HDAC9: variants seen among roughly 807,000 people sequenced by gnomAD.
The protein encoded by HDAC9 is MEF-2 interacting transcription repressor (MITR) protein.
In HDAC9, 41 loss-of-function variants were observed where a neutral mutation model predicts 139.4. That is an observed-to-expected ratio of 0.29 (90% CI 0.23 to 0.38). HDAC9 has a LOEUF of 0.38. HDAC9 is among the 10% of genes least tolerant of loss of function. HDAC9 has a pLI of 1.00. For missense variants in HDAC9, 1,147 were observed against 1,297.0 expected, an observed-to-expected ratio of 0.88 and a Z score of 1.78; for synonymous variants, 517 against 476.2, an observed-to-expected ratio of 1.09 and a Z score of -1.12.
chr7:18,258,040 G>T (rs1795398675), intron 2 of HDAC9, among the ~76,000 whole-genome samples: 1 of 152,138 alleles, frequency 6.6e-6, no homozygotes, highest in Non-Finnish European at 1.5e-5. Context: ...ACATATTAAA[G>T]TATCTAAGTT....
At chr7:18,406,810 C>A (rs1454656975) in intron 1 of HDAC9, among the ~76,000 whole-genome samples, 2 of 151,910 alleles carry the variant, frequency 1.3e-5, no homozygotes, top group African/African-American at 4.8e-5. Flanking sequence ...GTTCTTTCAT[C>A]TTTGTTTTTT....
intron 2 of HDAC9, among the ~76,000 whole-genome samples, chr7:18,194,377 A>G (rs1321711960): frequency 6.6e-6 from 1 of 152,142 alleles, no homozygotes; most frequent in Non-Finnish European, 1.5e-5. Flanking sequence ...TATTGAAATT[A>G]ATCATTTTCA....
At chr7:18,933,571 A>C (rs1358025916) in intron 22 of HDAC9, among the ~76,000 whole-genome samples, 6 of 152,104 alleles carry the variant, frequency 3.9e-5, no homozygotes, top group Admixed American at 1.3e-4. Context: ...CCAAGCTTCA[A>C]ATATTTTTCA....
At chr7:18,622,113 G>T (rs895189253) in intron 6 of HDAC9, among the ~76,000 whole-genome samples, 4 of 152,166 alleles carry the variant, frequency 2.6e-5, no homozygotes, top group Non-Finnish European at 4.4e-5. Context: ...TCCCTGAGAG[G>T]AGGAGATAGC....
chr7:18,203,312 G>A (rs1413857999), intron 2 of HDAC9, among the ~76,000 whole-genome samples: 1 of 152,136 alleles, frequency 6.6e-6, no homozygotes, highest in Non-Finnish European at 1.5e-5. Flanking sequence ...CAGCCAAACC[G>A]TGTATGTTGT....
At position 18,590,395 on chromosome 7, in the gene HDAC9, A is replaced by T. The variant is rs1047219118; in HGVS notation, c.324A>T (p.Lys108Asn). ...AAGAACTCCTAGAAAAGGAGCAGAA[A>T]CTGGAGCAGCAGAGGCAAGAACAGG... ...QQQELLEKEQ[K>N]LEQQRQEQEV... The change falls in exon 4 of 26, where the codon AAA (lysine) becomes AAT (asparagine). Residue 108 changes from lysine to asparagine, a missense_variant. Physicochemically the swap from Lys to Asn is moderately conservative, Grantham distance 94. This residue lies in a region of HDAC9 where 136 missense variants were observed against 183.5 expected (regional missense o/e 0.74). Transcript: ENST00000686413. 1 of 1,611,132 alleles carries T rather than the reference A, an allele frequency of 6.2e-7. No individual in the cohort carries two copies. Among genetic ancestry groups the T allele is most frequent in the Non-Finnish European group, 8.5e-7 (1 of 1,178,650 alleles).
In HDAC9 at chr7:18,407,558, T is replaced by TA. The variant is rs59165546; in HGVS notation, c.-41-88693dup. Among the ~76,000 whole-genome samples, 482 of 147,590 alleles carry TA rather than the reference T, an allele frequency of 3.3e-3. 1 individual carries two copies. Among genetic ancestry groups the TA allele is most frequent in the Middle Eastern group, 0.028 (8 of 282 alleles). On this transcript the variant is annotated intron_variant, in intron 1 of 3. Coordinates refer to the HDAC9 transcript ENST00000413509. ...TCAGTTCACCAGGTAAGATCTTGGA[T>TA]AAAAAAAAAAATCATCCCATTGTTC... is the stretch of plus-strand genomic sequence containing the variant.
chr7:18,875,589 T>G (rs1307781389), intron 22 of HDAC9, among the ~76,000 whole-genome samples: 1 of 152,218 alleles, frequency 6.6e-6, no homozygotes, highest in South Asian at 2.1e-4. Context: ...ATTTTTAACA[T>G]GTATTATTTA....
In HDAC9 at chr7:18,952,280, C is replaced by T. The variant is rs180928628; in HGVS notation, c.2938-1866C>T. Among the ~76,000 whole-genome samples, 9 of 151,990 alleles carry T rather than the reference C, an allele frequency of 5.9e-5. 1 individual carries two copies. In the East Asian group the frequency reaches 1.2e-3, roughly 20 times the overall value. On this transcript the variant is annotated intron_variant, in intron 23 of 25. Coordinates refer to ENST00000686413, the MANE Select transcript of HDAC9 (RefSeq NM_178425.4). ...ATTTTACTCTCAATACTCTGAATCA[C>T]GTATGCTTTCTGTATAACCTGAGTC...
intron 12 of HDAC9, among the ~76,000 whole-genome samples, chr7:18,691,036 C>T (rs1782636845): frequency 6.6e-6 from 1 of 151,980 alleles, no homozygotes; most frequent in African/African-American, 2.4e-5. Flanking sequence ...TGGAATTCTT[C>T]TGTCTTGGAA....
intron 17 of HDAC9, among the ~76,000 whole-genome samples, chr7:18,823,816 T>C (rs1233046862): frequency 6.6e-6 from 1 of 151,694 alleles, no homozygotes; most frequent in Non-Finnish European, 1.5e-5. Flanking sequence ...CCATCTTCAC[T>C]AAAAATACCA....
At chr7:18,967,977 A>C (rs1039404971) in intron 24 of HDAC9, among the ~76,000 whole-genome samples, 3 of 152,052 alleles carry the variant, frequency 2.0e-5, no homozygotes, top group Non-Finnish European at 4.4e-5. Flanking sequence ...AGCCTGACCA[A>C]CTTGGAGAAA....
intron 2 of HDAC9, among the ~76,000 whole-genome samples, chr7:18,583,377 A>G (rs1385463316): frequency 1.3e-5 from 2 of 152,096 alleles, no homozygotes; most frequent in African/African-American, 4.8e-5. Flanking sequence ...GAATTTGAAA[A>G]CTGGTACATG....
chr7:18,308,353 A>G (rs1308324644), intron 1 of HDAC9, among the ~76,000 whole-genome samples: 3 of 152,204 alleles, frequency 2.0e-5, no homozygotes, highest in African/African-American at 7.2e-5. Context: ...GCTTAACCAT[A>G]TACAAGAAAA....
rs1272848199 is a variant in HDAC9, at chr7:18,912,394, G to T, written c.2804-23415G>T. On this transcript the variant is annotated intron_variant, in intron 22 of 25. Transcript: ENST00000686413. ...AGAAAACTATAAAAGTATCCAATAA[G>T]TGGGTATAAGTATTAATATTAAATT... Among the ~76,000 whole-genome samples the T allele has an allele frequency of 3.3e-5, 5 of 152,052 alleles. No homozygotes were observed. In the East Asian group the frequency reaches 9.6e-4, roughly 29 times the overall value.
At chr7:18,807,620 A>G (rs1162429035) in intron 17 of HDAC9, among the ~76,000 whole-genome samples, 1 of 151,910 alleles carries the variant, frequency 6.6e-6, no homozygotes, top group Non-Finnish European at 1.5e-5. Flanking sequence ...TTGTTTTGGC[A>G]TATTGTGTGT....
At chr7:18,103,844 A>T (rs891700131) in intron 1 of HDAC9, among the ~76,000 whole-genome samples, 2 of 49,702 alleles carry the variant, frequency 4.0e-5, no homozygotes, top group African/African-American at 8.8e-5. Flanking sequence ...AATGTGAGCT[A>T]TACATACATA....
chr7:18,276,348 A>G (rs1455845977), intron 2 of HDAC9, among the ~76,000 whole-genome samples: 1 of 152,098 alleles, frequency 6.6e-6, no homozygotes, highest in Non-Finnish European at 1.5e-5. Context: ...CCTTTATAAT[A>G]CCCTTTAAAC....
At chr7:18,869,484 A>T (rs901576301) in intron 21 of HDAC9, among the ~76,000 whole-genome samples, 3 of 152,074 alleles carry the variant, frequency 2.0e-5, no homozygotes, top group Non-Finnish European at 4.4e-5. Context: ...TGCCAGCATC[A>T]TGCTTCCTGT....
Sources: gnomAD v4.1 joint callset for allele counts (sites outside exome capture counted in the v4.1 genomes callset) on GRCh38, gnomAD v4.1.1 for gene constraint, gnomAD v4.1.1 regional missense constraint, MANE v1.5 for transcripts, NCBI Gene and HGNC (gene_info 2026-07-23, HGNC 2026-07-21) for gene names.